NUP153: variants seen among roughly 807,000 people sequenced by gnomAD.
NUP153 encodes nuclear pore complex protein Nup153.
Under a neutral mutation model 134.6 loss-of-function variants are expected in NUP153, and 27 were observed. The observed-to-expected ratio is 0.20, with a 90% confidence interval of 0.15 to 0.28. NUP153 has a LOEUF of 0.28. NUP153 is among the 10% of genes least tolerant of loss of function. The probability of loss-of-function intolerance (pLI) is 1.00; values close to 1 mark genes in which losing one functional copy is unlikely to be tolerated. For synonymous variants in NUP153, 640 were observed against 623.5 expected, an observed-to-expected ratio of 1.03 and a Z score of -0.40; for missense variants, 1,821 against 1,731.3, an observed-to-expected ratio of 1.05 and a Z score of -0.92.
At chr6:17,640,090 A>T (rs1451028925) in intron 14 of NUP153, 26 bp from the exon 15 acceptor site, 13 of 1,495,756 alleles carry the variant, frequency 8.7e-6, no homozygotes, top group Non-Finnish European at 1.1e-5. Flanking sequence ...ATTTAATAAC[A>T]TTATGCCAAA....
rs560351868 is a variant in NUP153 at position 17,673,474 on chromosome 6, A to T, written c.852+1431T>A. ...TGTACCCTGAAAAATGAACTCTCTC[A>T]AAATTTATTAATAAGAAAATAACCC... On this transcript the variant is annotated intron_variant, in intron 5 of 21. Transcript: ENST00000262077. 1.4e-4 allele frequency among the ~76,000 whole-genome samples: 22 copies of T among 152,352 alleles called. No individual in the cohort carries two copies. The South Asian group carries it at 4.3e-3, about 30-fold the overall frequency.
intron 17 of NUP153, among the ~76,000 whole-genome samples, chr6:17,630,946 G>T (rs1482658953): frequency 1.3e-5 from 2 of 152,136 alleles, no homozygotes; most frequent in Non-Finnish European, 2.9e-5. Flanking sequence ...TCATTAAGAA[G>T]TACTAAGATA....
At chr6:17,618,991 T>G (rs1363689355) in intron 20 of NUP153, among the ~76,000 whole-genome samples, 3 of 151,842 alleles carry the variant, frequency 2.0e-5, no homozygotes. Flanking sequence ...TCAGGAAAAT[T>G]CCCCAAAATG....
chr6:17,645,505 G>A (rs1454389773), intron 14 of NUP153, among the ~76,000 whole-genome samples: 1 of 145,162 alleles, frequency 6.9e-6, no homozygotes, highest in Non-Finnish European at 1.5e-5. Context: ...GTCTCACTGT[G>A]CTGCCTAGGA....
chr6:17,674,701 C>T (rs769401948), intron 5 of NUP153, among the ~76,000 whole-genome samples: 1 of 152,020 alleles, frequency 6.6e-6, no homozygotes, highest in Admixed American at 6.6e-5. Flanking sequence ...AACCAGGAGA[C>T]GGAGGTTGCA....
intron 11 of NUP153, among the ~76,000 whole-genome samples, chr6:17,653,182 G>A (rs924464924): frequency 1.3e-5 from 2 of 152,150 alleles, no homozygotes; most frequent in Non-Finnish European, 2.9e-5. Flanking sequence ...GAACTTGGGA[G>A]GTGGAGGCTG....
At chr6:17,634,609 GTA>G (rs1490717769) in intron 16 of NUP153, among the ~76,000 whole-genome samples, 9 of 152,214 alleles carry the variant, frequency 5.9e-5, no homozygotes, top group Admixed American at 3.9e-4. Context: ...GCTAATTTTT[GTA>G]TTTTTAGTAG....
chr6:17,701,832 C>CGG (rs59685451), intron 1 of NUP153, among the ~76,000 whole-genome samples: 4,418 of 43,958 alleles, frequency 0.1, 544 homozygotes, highest in Middle Eastern at 0.27. Context: ...GACTCTGTCT[C>CGG]GGGGGGGGGG....
Position 17,675,023 on chromosome 6 carries a change from T to C in NUP153, c.734A>G (p.Asn245Ser). The change falls in exon 5 of 22, where the codon AAT becomes AGT. Residue 245 changes from asparagine to serine, a missense_variant. Asn to Ser is a conservative substitution (Grantham distance 46). Transcript: ENST00000262077. This position sits in a 1 kb window ranked among gnomAD's most constrained non-coding sequence, Gnocchi z 4.4. ...CTGACTGGTTTTAAGGATTGAAGAA[T>C]TCCCAAGTGACTGCACAGAAACAGA... The part of the protein sequence containing the change: ...AFGTLSPSLG[N>S]SSILKTSQLG... The C allele has an allele frequency of 6.2e-7, 1 of 1,613,058 alleles. No individual in the cohort carries two copies. Among genetic ancestry groups the C allele is most frequent in the Non-Finnish European group, 8.5e-7 (1 of 1,179,642 alleles).
At chr6:17,629,763 T>C (rs961785120) in intron 17 of NUP153, among the ~76,000 whole-genome samples, 4 of 152,230 alleles carry the variant, frequency 2.6e-5, no homozygotes, top group Non-Finnish European at 1.5e-5. Flanking sequence ...ACTTTTCATT[T>C]ATCAGACTGG....
chr6:17,640,212 T>C (rs1035013898), intron 14 of NUP153, 148 bp from the exon 15 acceptor site: 8 of 579,232 alleles, frequency 1.4e-5, no homozygotes, highest in Non-Finnish European at 2.2e-5. Flanking sequence ...CAAATGACTT[T>C]ACAGGGATAA....
chr6:17,692,740 C>T (rs1769362040), intron 1 of NUP153, among the ~76,000 whole-genome samples: 1 of 152,116 alleles, frequency 6.6e-6, no homozygotes, highest in Admixed American at 6.5e-5. Context: ...AGCATCATCC[C>T]AGGTCCTTCT....
intron 2 of NUP153, among the ~76,000 whole-genome samples, chr6:17,682,633 C>CTT (rs1247671076): frequency 6.6e-6 from 1 of 152,064 alleles, no homozygotes; most frequent in Non-Finnish European, 1.5e-5. Context: ...CACGAAACCA[C>CTT]TTTTGCCAGG....
chr6:17,659,137 T>C (rs1159921666), intron 11 of NUP153, among the ~76,000 whole-genome samples: 3 of 152,240 alleles, frequency 2.0e-5, no homozygotes, highest in African/African-American at 4.8e-5. Flanking sequence ...TCATCTGCCA[T>C]ATTCACCTGA....
intron 11 of NUP153, among the ~76,000 whole-genome samples, chr6:17,649,676 T>C (rs1292754715): frequency 6.6e-6 from 1 of 152,252 alleles, no homozygotes; most frequent in Non-Finnish European, 1.5e-5. Context: ...AAAGATATTA[T>C]ATACAATAAG....
chr6:17,626,729 T>C (rs750176498), intron 18 of NUP153, among the ~76,000 whole-genome samples: 1 of 152,230 alleles, frequency 6.6e-6, no homozygotes, highest in African/African-American at 2.4e-5. Flanking sequence ...CTGATATTAG[T>C]AGGACAAAGC....
chr6:17,634,852 G>C (rs1225715371), intron 16 of NUP153, among the ~76,000 whole-genome samples: 1 of 152,104 alleles, frequency 6.6e-6, no homozygotes, highest in Non-Finnish European at 1.5e-5. Context: ...GTATCAGCAG[G>C]GGAGGCGGGG....
chr6:17,661,655 C>T lies in NUP153; in HGVS notation c.1393G>A (p.Glu465Lys). Residue 465 changes from glutamate to lysine, a missense_variant and splice_region_variant, in exon 11 of 22, where the codon GAG (glutamate) becomes AAG (lysine). By Grantham distance (56) the Glu-to-Lys change is moderately conservative (BLOSUM62 1). Coordinates refer to ENST00000262077, the MANE Select transcript of NUP153 (RefSeq NM_005124.4). ...RFVASKPLEEEEMEVPVLPKI... is the reference protein window; with the variant it reads ...RFVASKPLEEKEMEVPVLPKI... ...AGTATATGAGTATACAACCCTACCT[C>T]CTCCTCCAGAGGTTTAGAAGCAACA... The T allele has an allele frequency of 4.3e-6, 7 of 1,613,462 alleles. No individual in the cohort carries two copies. The highest frequency in any genetic ancestry group is 1.1e-5 in the South Asian group (1 of 91,002).
intron 11 of NUP153, among the ~76,000 whole-genome samples, chr6:17,653,286 A>C (rs1242260591): frequency 6.6e-6 from 1 of 152,188 alleles, no homozygotes; most frequent in East Asian, 1.9e-4. Context: ...TCACAAAAAA[A>C]GATACACAAA....
Sources: gnomAD v4.1 joint callset for allele counts (sites outside exome capture counted in the v4.1 genomes callset) on GRCh38, gnomAD v4.1.1 for gene constraint, Gnocchi (gnomAD v3.1) non-coding constraint, MANE v1.5 for transcripts, NCBI Gene and HGNC (gene_info 2026-07-23, HGNC 2026-07-21) for gene names.